The following LRP1B variants were observed in gnomAD, a reference collection of about 807,000 sequenced individuals.
The protein encoded by LRP1B is low-density lipoprotein receptor-related protein 1B.
In LRP1B, 217 loss-of-function variants were observed where a neutral mutation model predicts 556.6. The observed-to-expected ratio is 0.39, with a 90% CI of 0.35 to 0.44. The LOEUF is 0.44. Ranked by LOEUF, LRP1B falls within the 20% of genes least tolerant of loss-of-function variation. The pLI is 1.00. For synonymous variants in LRP1B, 2,047 were observed against 1,865.8 expected (o/e 1.10, Z -2.50); for missense variants, 5,053 against 5,620.8 (o/e 0.90, Z 3.23).
chr2:140,405,885 CATAAAA>C (rs1684711175), intron 66 of LRP1B, among the ~76,000 whole-genome samples: 1 of 151,974 alleles, frequency 6.6e-6, no homozygotes, highest in Non-Finnish European at 1.5e-5. Flanking sequence ...CAGGAAAGGA[CATAAAA>C]ATAAAACTAC....
At chr2:140,670,293 T>C (rs112868634) in intron 41 of LRP1B, among the ~76,000 whole-genome samples, 2,105 of 152,216 alleles carry the variant, frequency 0.014, 48 homozygotes, top group African/African-American at 0.049. Flanking sequence ...TTTAAAGTCA[T>C]GAGCCCAAAG....
At chr2:140,557,840 T>A (rs1315571575) in intron 43 of LRP1B, among the ~76,000 whole-genome samples, 1 of 152,150 alleles carries the variant, frequency 6.6e-6, no homozygotes, top group Non-Finnish European at 1.5e-5. Context: ...CCACACTCAA[T>A]GCCCTTATTC....
chr2:141,529,129 G>T (rs1452301563), intron 2 of LRP1B, among the ~76,000 whole-genome samples: 1 of 152,214 alleles, frequency 6.6e-6, no homozygotes, highest in African/African-American at 2.4e-5. Context: ...CTGGCCTTGT[G>T]TGCAGCTGGC....
chr2:140,603,448 G>A (rs966250562), intron 41 of LRP1B, among the ~76,000 whole-genome samples: 1 of 152,076 alleles, frequency 6.6e-6, no homozygotes, highest in African/African-American at 2.4e-5. Flanking sequence ...AGTATCTATA[G>A]CATTACACGC....
chr2:141,165,872 G>T (rs1680230378), intron 7 of LRP1B, among the ~76,000 whole-genome samples: 1 of 151,944 alleles, frequency 6.6e-6, no homozygotes, highest in Admixed American at 6.6e-5. Flanking sequence ...CGCTATTGTA[G>T]CTATTAGAAT....
chr2:140,955,747 G>A (rs894479028), intron 18 of LRP1B, among the ~76,000 whole-genome samples: 20 of 151,634 alleles, frequency 1.3e-4, no homozygotes, highest in South Asian at 4.2e-4. Context: ...AAGGGTAATC[G>A]TGATTGGTAT....
intron 2 of LRP1B, among the ~76,000 whole-genome samples, chr2:141,683,536 C>G (rs926448947): frequency 4.6e-5 from 7 of 152,002 alleles, no homozygotes; most frequent in Non-Finnish European, 1.0e-4. Flanking sequence ...TGGTTATAAG[C>G]GGTAACAAAA....
chr2:140,703,583 C>T (rs948802304), intron 37 of LRP1B, among the ~76,000 whole-genome samples: 3 of 152,084 alleles, frequency 2.0e-5, no homozygotes, highest in Admixed American at 6.6e-5. Flanking sequence ...TGTATAGTTC[C>T]TAATTTTTAA....
chr2:142,077,614 C>T (rs887499821), intron 1 of LRP1B, among the ~76,000 whole-genome samples: 1 of 152,046 alleles, frequency 6.6e-6, no homozygotes, highest in Non-Finnish European at 1.5e-5. Context: ...TATAAGGTAA[C>T]AGTGTTATTA....
chr2:140,559,020 T>C (rs973227170), intron 43 of LRP1B, among the ~76,000 whole-genome samples: 17 of 151,836 alleles, frequency 1.1e-4, no homozygotes, highest in African/African-American at 3.9e-4. Flanking sequence ...GGCTACAATA[T>C]CAAAAACATT....
intron 41 of LRP1B, among the ~76,000 whole-genome samples, chr2:140,641,431 G>A (rs1684289423): frequency 6.6e-6 from 1 of 152,066 alleles, no homozygotes. Flanking sequence ...GATTGCCAAG[G>A]GATAAGCTTA....
At chr2:140,937,766 A>G (rs1695272431) in intron 20 of LRP1B, among the ~76,000 whole-genome samples, 1 of 152,104 alleles carries the variant, frequency 6.6e-6, no homozygotes, top group East Asian at 1.9e-4. Flanking sequence ...TAGCTGAGAT[A>G]GGGTATGATA....
intron 2 of LRP1B, among the ~76,000 whole-genome samples, chr2:141,732,958 T>C (rs1471067569): frequency 1.3e-5 from 2 of 152,032 alleles, no homozygotes; most frequent in Non-Finnish European, 2.9e-5. Flanking sequence ...TCACATACTA[T>C]TCAAAAAAGC....
chr2:141,396,230 A>G (rs1036226687), intron 3 of LRP1B, among the ~76,000 whole-genome samples: 4 of 152,204 alleles, frequency 2.6e-5, no homozygotes, highest in African/African-American at 4.8e-5. Context: ...AAACACATAC[A>G]AGCAGATTCA....
chr2:141,253,894 G>A (rs983209817), intron 4 of LRP1B, among the ~76,000 whole-genome samples: 4 of 151,668 alleles, frequency 2.6e-5, no homozygotes, highest in African/African-American at 9.7e-5. Context: ...ACAAAGCAAT[G>A]CATTTAACTT....
chr2:141,168,859 A>T (rs1206561591), intron 7 of LRP1B, among the ~76,000 whole-genome samples: 1 of 152,082 alleles, frequency 6.6e-6, no homozygotes, highest in Non-Finnish European at 1.5e-5. Context: ...TGAAGATTAG[A>T]TCAATAATAC....
intron 2 of LRP1B, among the ~76,000 whole-genome samples, chr2:141,684,275 A>C (rs1238381947): frequency 2.0e-5 from 3 of 152,142 alleles, no homozygotes; most frequent in Admixed American, 6.6e-5. Flanking sequence ...ATGCAGCCAT[A>C]AAAAAGGATG....
rs367570563 is a variant in LRP1B, at chr2:140,350,920, T to C, written c.11769A>G (p.Ile3923Met). 5 of 1,611,530 alleles carry C rather than the reference T, an allele frequency of 3.1e-6. No individual in the cohort carries two copies. Among genetic ancestry groups the C allele is most frequent in the Non-Finnish European group, 4.2e-6 (5 of 1,178,206 alleles). The change falls in exon 77 of 91, where the codon ATA becomes ATG. Residue 3923 changes from isoleucine (I) to methionine (M), a missense_variant. Coordinates refer to ENST00000389484, the MANE Select transcript of LRP1B (RefSeq NM_018557.3). ...QISHIEHNSR[I>M]TGMDVYYQRD... is the part of the protein sequence containing the mutation. ...TTTGATAATATACATCCATCCCTGT[T>C]ATTCTTGAATTATGTTCAATATGAG...
intron 3 of LRP1B, among the ~76,000 whole-genome samples, chr2:141,380,138 C>T (rs891293343): frequency 6.6e-6 from 1 of 151,932 alleles, no homozygotes; most frequent in African/African-American, 2.4e-5. Context: ...ACTCACTAGT[C>T]CCCCAGAGTC....
Sources: allele counts gnomAD v4.1 joint callset (sites outside exome capture counted in the v4.1 genomes callset), GRCh38; gene constraint gnomAD v4.1.1; transcripts MANE v1.5; gene names NCBI Gene and HGNC (gene_info 2026-07-23, HGNC 2026-07-21).